The following MFHAS1 variants were observed in gnomAD, a reference collection of about 807,000 sequenced individuals.
MFHAS1 encodes the protein malignant fibrous histiocytoma-amplified sequence 1.
A neutral mutation model predicts 70.4 loss-of-function variants in MFHAS1; 50 were observed. The ratio of observed to expected loss-of-function variants is 0.71; its 90% CI spans 0.57 to 0.90. MFHAS1 has a LOEUF of 0.90. Ranked by LOEUF, MFHAS1 falls within the 40% of genes least tolerant of loss-of-function variation. MFHAS1 has a pLI of 0.00. For synonymous variants in MFHAS1, 952 were observed against 620.0 expected, an observed-to-expected ratio of 1.54 and a Z score of -7.96; for missense variants, 1,795 against 1,347.6, an observed-to-expected ratio of 1.33 and a Z score of -5.20.
At chr8:8,849,979 G>C (rs1403300752) in intron 1 of MFHAS1, among the ~76,000 whole-genome samples, 1 of 152,244 alleles carries the variant, frequency 6.6e-6, no homozygotes, top group African/African-American at 2.4e-5. Flanking sequence ...TTTCAGGAAA[G>C]CAAAGGAATT....
In MFHAS1 at chr8:8,890,733, T is replaced by C; in HGVS notation, c.2326A>G (p.Ser776Gly). The change falls in exon 1 of 3, where the codon AGC becomes GGC. Residue 776 changes from serine to glycine, a missense_variant. Ser to Gly is a moderately conservative substitution (Grantham distance 56). Coordinates refer to ENST00000276282, the MANE Select transcript of MFHAS1 (RefSeq NM_004225.3). ...TGGGTGGCCCGGAGCAGTTCCTGGC[T>C]GGGGGTGGACCGCGCCATGGGCGGG... is the stretch of plus-strand genomic sequence containing the variant. ...SSPPMARSTP[S>G]QELLRATQLH... is the part of the protein sequence containing the mutation. 6.2e-7 allele frequency: 1 copy of C among 1,613,688 alleles called. No individual in the cohort carries two copies. The highest frequency in any genetic ancestry group is 8.5e-7 in the Non-Finnish European group (1 of 1,179,772).
rs1395711316 is a variant in MFHAS1, at chr8:8,877,237, C to T, written c.2998+12824G>A. Among the ~76,000 whole-genome samples the T allele has an allele frequency of 2.3e-5, 3 of 131,624 alleles. No homozygotes were observed. In the East Asian group the frequency reaches 7.6e-4, roughly 34 times the overall value. The allele number at this position is 131,624 out of a possible 152,430, so 86.4% of individuals were successfully genotyped here. A position where few individuals can be genotyped will look rare whatever the true frequency, so the allele number is the denominator to read the frequency against. On this transcript the variant is annotated intron_variant, in intron 1 of 2. Coordinates refer to ENST00000276282, the MANE Select transcript of MFHAS1 (RefSeq NM_004225.3). Reference sequence around the variant, plus strand: ...ATCACTGGAGCCCAGAAGGTCAAGGCTTTAGTGAGCTGTGACTGTGCCACT... The same window carrying T: ...ATCACTGGAGCCCAGAAGGTCAAGGTTTTAGTGAGCTGTGACTGTGCCACT...
intron 1 of MFHAS1, among the ~76,000 whole-genome samples, chr8:8,872,887 C>A (rs746254374): frequency 3.3e-5 from 5 of 152,146 alleles, no homozygotes; most frequent in Non-Finnish European, 7.3e-5. Context: ...AGAGGCTTAA[C>A]AAATACATTC....
At chr8:8,857,941 CA>C (rs1166825896) in intron 1 of MFHAS1, among the ~76,000 whole-genome samples, 1 of 152,174 alleles carries the variant, frequency 6.6e-6, no homozygotes, top group East Asian at 1.9e-4. Context: ...CCAACACCAC[CA>C]ATTTTGGGGA....
chr8:8,788,216 G>A (rs879630853), intron 2 of MFHAS1, among the ~76,000 whole-genome samples: 2 of 152,198 alleles, frequency 1.3e-5, no homozygotes, highest in East Asian at 1.9e-4. Context: ...TGGAGGGCAG[G>A]ATTTGATTTA....
At chr8:8,798,773 G>A (rs1309553803) in intron 1 of MFHAS1, among the ~76,000 whole-genome samples, 1 of 152,152 alleles carries the variant, frequency 6.6e-6, no homozygotes, top group Non-Finnish European at 1.5e-5. Context: ...TCCGGGCTGG[G>A]CGCGGTGGCT....
At chr8:8,842,532 A>C (rs1807871775) in intron 1 of MFHAS1, among the ~76,000 whole-genome samples, 1 of 152,020 alleles carries the variant, frequency 6.6e-6, no homozygotes, top group African/African-American at 2.4e-5. Flanking sequence ...GTACACAGTA[A>C]CTCACAACAT....
intron 1 of MFHAS1, among the ~76,000 whole-genome samples, chr8:8,826,248 G>GTC (rs1554480373): frequency 2.8e-4 from 1 of 3,582 alleles, no homozygotes; most frequent in South Asian, 0.1. Flanking sequence ...AACACAAAGA[G>GTC]TGTGTGTGTG....
chr8:8,865,192 G>C (rs569212656), intron 1 of MFHAS1, among the ~76,000 whole-genome samples: 2 of 145,108 alleles, frequency 1.4e-5, no homozygotes, highest in African/African-American at 5.1e-5. Context: ...CAGGAGAATC[G>C]CTCGAACCCA....
chr8:8,855,054 C>T (rs917195724), intron 1 of MFHAS1, among the ~76,000 whole-genome samples: 2 of 152,118 alleles, frequency 1.3e-5, no homozygotes, highest in Non-Finnish European at 2.9e-5. Flanking sequence ...GGACCACAGT[C>T]GTGGTCCTCC....
intron 2 of MFHAS1, among the ~76,000 whole-genome samples, chr8:8,793,765 G>C (rs1034473534): frequency 1.3e-5 from 2 of 152,198 alleles, no homozygotes; most frequent in African/African-American, 4.8e-5. Flanking sequence ...TTAGAGGCAT[G>C]GACTGGAACT....
At chr8:8,795,255 T>A (rs113971729) in intron 2 of MFHAS1, among the ~76,000 whole-genome samples, 1 of 152,158 alleles carries the variant, frequency 6.6e-6, no homozygotes, top group African/African-American at 2.4e-5. Flanking sequence ...CCCTTATCCA[T>A]CCTCACCCAG....
chr8:8,799,050 C>T (rs1341813431), intron 1 of MFHAS1, among the ~76,000 whole-genome samples: 2 of 125,362 alleles, frequency 1.6e-5, no homozygotes, highest in Admixed American at 7.3e-5. Context: ...TCTGTCTCAA[C>T]AACAACAAAA....
intron 2 of MFHAS1, among the ~76,000 whole-genome samples, chr8:8,792,164 G>A (rs535867619): frequency 4.6e-5 from 7 of 151,292 alleles, no homozygotes; most frequent in Non-Finnish European, 7.4e-5. Flanking sequence ...TTGAACCCAG[G>A]GGGCAGAGGT....
intron 1 of MFHAS1, among the ~76,000 whole-genome samples, chr8:8,829,830 A>G (rs932809216): frequency 2.0e-5 from 3 of 152,150 alleles, no homozygotes; most frequent in African/African-American, 7.2e-5. Flanking sequence ...CAAAAAAGAG[A>G]CTTGAACAGA....
intron 1 of MFHAS1, among the ~76,000 whole-genome samples, chr8:8,808,191 T>C (rs1166170917): frequency 6.6e-6 from 1 of 151,350 alleles, no homozygotes; most frequent in African/African-American, 2.4e-5. Context: ...AACCCTCCTC[T>C]GCCCAGTGCC....
At chr8:8,791,131 T>G (rs1032826999) in intron 2 of MFHAS1, among the ~76,000 whole-genome samples, 2 of 92,024 alleles carry the variant, frequency 2.2e-5, no homozygotes, top group South Asian at 2.7e-4. Context: ...ACCCGTTTTT[T>G]TTTTTTTTTT....
At chr8:8,828,994 T>A (rs1434465735) in intron 1 of MFHAS1, among the ~76,000 whole-genome samples, 1 of 152,136 alleles carries the variant, frequency 6.6e-6, no homozygotes, top group Admixed American at 6.5e-5. Context: ...GCAGCCTTCT[T>A]CCTACAATGC....
intron 1 of MFHAS1, among the ~76,000 whole-genome samples, chr8:8,826,027 C>T (rs1038660071): frequency 3.9e-5 from 6 of 152,182 alleles, no homozygotes; most frequent in African/African-American, 1.4e-4. Flanking sequence ...CAGCTGTACC[C>T]AAGAGGTTCT....
Sources: gnomAD v4.1 joint callset for allele counts (sites outside exome capture counted in the v4.1 genomes callset) on GRCh38, gnomAD v4.1.1 for gene constraint, MANE v1.5 for transcripts, NCBI Gene and HGNC (gene_info 2026-07-23, HGNC 2026-07-21) for gene names.